PKP4: variants seen among roughly 807,000 people sequenced by gnomAD.
PKP4 encodes plakophilin 4.
In PKP4, 90 loss-of-function variants were observed where a neutral mutation model predicts 145.1. The observed-to-expected ratio is 0.62, with a 90% CI of 0.52 to 0.74. PKP4 has a LOEUF of 0.74. Ranked by LOEUF, PKP4 falls within the 30% of genes least tolerant of loss-of-function variation. The pLI is 0.00. For synonymous variants in PKP4, 563 were observed against 577.2 expected (o/e 0.98, Z 0.35); for missense variants, 1,340 against 1,482.7 (o/e 0.90, Z 1.58).
At position 158,530,737 on chromosome 2, in the gene PKP4, G is replaced by A. The variant is rs377575475; in HGVS notation, c.-5-2443G>A. On this transcript the variant is annotated intron_variant, in intron 1 of 21. Coordinates refer to ENST00000389759, the MANE Select transcript of PKP4 (RefSeq NM_003628.6). ...GACTGCTTCAGAGATAAGGGGTAGG[G>A]AAGTGTCTCACCCTTAGTAACGACA... Among the ~76,000 whole-genome samples, 4 of 152,042 alleles carry A rather than the reference G, an allele frequency of 2.6e-5. No individual in the cohort carries two copies. The East Asian group carries it at 5.8e-4, about 22-fold the overall frequency.
chr2:158,590,147 A>G (rs1034332293), intron 3 of PKP4, among the ~76,000 whole-genome samples: 6 of 152,148 alleles, frequency 3.9e-5, no homozygotes, highest in African/African-American at 1.4e-4. Flanking sequence ...GTTACTCCAC[A>G]ATTAAATAGG....
chr2:158,550,872 G>A (rs181868645), intron 2 of PKP4, among the ~76,000 whole-genome samples: 6 of 152,346 alleles, frequency 3.9e-5, no homozygotes, highest in African/African-American at 9.6e-5. Flanking sequence ...GGAAACAAAT[G>A]TGGTGCCCTT....
In PKP4 at chr2:158,533,203, G is replaced by C; in HGVS notation, c.19G>C (p.Ala7Pro). MPAPEQ[A>P]SLVEEGQPQT... ...AGGAGGAATGCCAGCTCCTGAGCAG[G>C]CCTCATTGGTGGAGGAGGGGCAACC... Residue 7 changes from alanine to proline, a missense_variant, in exon 2 of 22, where the codon GCC (alanine) becomes CCC (proline). By Grantham distance (27) the Ala-to-Pro change is conservative. Transcript: ENST00000389759. 3 of 1,613,230 alleles carry C rather than the reference G, an allele frequency of 1.9e-6. No individual in the cohort carries two copies. The highest frequency in any genetic ancestry group is 2.5e-6 in the Non-Finnish European group (3 of 1,179,856).
chr2:158,581,382 A>G (rs1217313192), intron 3 of PKP4, among the ~76,000 whole-genome samples: 1 of 152,154 alleles, frequency 6.6e-6, no homozygotes, highest in Non-Finnish European at 1.5e-5. Flanking sequence ...ATCCTGTGGC[A>G]GAGTTGGTAA....
intron 10 of PKP4, among the ~76,000 whole-genome samples, chr2:158,642,187 A>G (rs978168650): frequency 6.6e-6 from 1 of 152,002 alleles, no homozygotes; most frequent in African/African-American, 2.4e-5. Flanking sequence ...ACACCCAGCT[A>G]AGTTTTCTCT....
At chr2:158,623,198 G>A (rs1209568448) in intron 6 of PKP4, among the ~76,000 whole-genome samples, 6 of 152,162 alleles carry the variant, frequency 3.9e-5, no homozygotes, top group Admixed American at 1.3e-4. Context: ...TAGAGACAAG[G>A]TCTCACTCTG....
In PKP4 at chr2:158,542,903, A is replaced by G. The variant is rs116280454; in HGVS notation, c.132+9587A>G. On this transcript the variant is annotated intron_variant, in intron 2 of 21. Transcript: ENST00000389759. ...TGAGAATCAGTGATCTCTATGGAAT[A>G]GAAATCCAATAGGAGACTAACAGCT... 4.8e-3 allele frequency among the ~76,000 whole-genome samples: 732 copies of G among 152,354 alleles called. 1 individual carries two copies. The highest frequency in any genetic ancestry group is 0.016 in the African/African-American group (669 of 41,590).
Position 158,673,667 on chromosome 2 carries a change from C to G in PKP4, c.2925-10C>G. On this transcript the variant is annotated splice_polypyrimidine_tract_variant and intron_variant, in intron 17 of 21. Coordinates refer to ENST00000389759, the MANE Select transcript of PKP4 (RefSeq NM_003628.6). ...ACCCACATTCATTAATATCCTTGCT[C>G]TCTACCTAGATCATCTCTGAAAGTG... The G allele has an allele frequency of 2.5e-6, 4 of 1,600,688 alleles. No homozygotes were observed. The highest frequency in any genetic ancestry group is 1.1e-5 in the South Asian group (1 of 90,728).
intron 19 of PKP4, 52 bp downstream of exon 19, chr2:158,674,052 T>C (rs2057794555): frequency 1.0e-6 from 1 of 981,578 alleles, no homozygotes; most frequent in African/African-American, 1.6e-5. Flanking sequence ...GACAGAACAT[T>C]GTTCCCCAGC....
chr2:158,565,996 A>T lies in PKP4; in HGVS notation c.133-11275A>T, dbSNP rs569452183. ...AAGGAACCATTTAATTGACTAGGGC[A>T]TAACTAATAAATATGTTTTCTAATT... On this transcript the variant is annotated intron_variant, in intron 2 of 21. Coordinates refer to ENST00000389759, the MANE Select transcript of PKP4 (RefSeq NM_003628.6). 5.3e-5 allele frequency among the ~76,000 whole-genome samples: 8 copies of T among 152,324 alleles called. No individual in the cohort carries two copies. In the South Asian group the frequency reaches 1.4e-3, roughly 28 times the overall value.
At chr2:158,583,645 T>C (rs1304470695) in intron 3 of PKP4, among the ~76,000 whole-genome samples, 1 of 152,188 alleles carries the variant, frequency 6.6e-6, no homozygotes, top group Admixed American at 6.5e-5. Flanking sequence ...AGCTGACATA[T>C]AGAACATTTT....
intron 16 of PKP4, among the ~76,000 whole-genome samples, chr2:158,667,843 T>A (rs1252913593): frequency 6.6e-6 from 1 of 152,192 alleles, no homozygotes; most frequent in Non-Finnish European, 1.5e-5. Flanking sequence ...TTTACAGAAA[T>A]CCTTCAGGTC....
intron 1 of PKP4, among the ~76,000 whole-genome samples, chr2:158,511,349 G>A (rs1314996854): frequency 2.0e-5 from 3 of 152,038 alleles, no homozygotes; most frequent in African/African-American, 7.2e-5. Flanking sequence ...TTGCGCCACT[G>A]TACTCCAGCC....
chr2:158,532,022 A>G (rs2043598456), intron 1 of PKP4, among the ~76,000 whole-genome samples: 1 of 152,184 alleles, frequency 6.6e-6, no homozygotes, highest in Non-Finnish European at 1.5e-5. Flanking sequence ...AGAAGATGGG[A>G]TCTCAGAGGG....
At chr2:158,506,027 A>G (rs564645215) in intron 1 of PKP4, among the ~76,000 whole-genome samples, 10 of 152,334 alleles carry the variant, frequency 6.6e-5, no homozygotes, top group African/African-American at 2.2e-4. Context: ...TCCAAGCTAT[A>G]CTGTGAAATG....
intron 1 of PKP4, among the ~76,000 whole-genome samples, chr2:158,486,535 A>G (rs1373282902): frequency 3.3e-5 from 5 of 152,220 alleles, no homozygotes; most frequent in Admixed American, 1.3e-4. Flanking sequence ...GCAGTATTCT[A>G]GTTTACTAAG....
chr2:158,543,347 G>C (rs935274121), intron 2 of PKP4, among the ~76,000 whole-genome samples: 4 of 152,112 alleles, frequency 2.6e-5, no homozygotes, highest in African/African-American at 7.2e-5. Context: ...GGTTACATTA[G>C]TGGTAGAGGC....
chr2:158,549,452 A>G (rs546874663), intron 2 of PKP4, among the ~76,000 whole-genome samples: 1 of 152,030 alleles, frequency 6.6e-6, no homozygotes, highest in African/African-American at 2.4e-5. Context: ...CCCTTCACCT[A>G]CGCCCCTGTG....
intron 1 of PKP4, among the ~76,000 whole-genome samples, chr2:158,507,704 A>AT (rs1193621300): frequency 2.6e-5 from 4 of 151,794 alleles, no homozygotes; most frequent in African/African-American, 4.8e-5. Context: ...GCTCAAACTT[A>AT]TTTTTTTTCT....
Sources: gnomAD v4.1 joint callset for allele counts (sites outside exome capture counted in the v4.1 genomes callset) on GRCh38, gnomAD v4.1.1 for gene constraint, MANE v1.5 for transcripts, NCBI Gene and HGNC (gene_info 2026-07-23, HGNC 2026-07-21) for gene names.